Variants in HIVEP3 observed in about 807,000 individuals in gnomAD.
HIVEP3 encodes the protein HIVEP zinc finger 3.
In HIVEP3, 49 loss-of-function variants were observed where a neutral mutation model predicts 152.8. That is an observed-to-expected ratio of 0.32 (90% CI 0.26 to 0.41). The LOEUF (loss-of-function observed/expected upper bound fraction) is 0.41. Among genes scored for constraint, HIVEP3 ranks in the 10% least tolerant of loss-of-function variants. The pLI, the probability that HIVEP3 is intolerant of heterozygous loss-of-function variation, is 1.00. For synonymous variants in HIVEP3, 1,269 were observed against 1,289.0 expected (o/e 0.98, Z 0.33); for missense variants, 2,790 against 3,103.3 (o/e 0.90, Z 2.40).
chr1:41,577,405 A>T (rs1407799061), intron 4 of HIVEP3, among the ~76,000 whole-genome samples: 1 of 152,198 alleles, frequency 6.6e-6, no homozygotes, highest in Non-Finnish European at 1.5e-5. Flanking sequence ...CATAGCCAGT[A>T]GGTAAGGTAG....
chr1:41,823,517 CAT>C (rs1489027776), intron 1 of HIVEP3, among the ~76,000 whole-genome samples: 1 of 152,202 alleles, frequency 6.6e-6, no homozygotes, highest in Non-Finnish European at 1.5e-5. Context: ...GCTTTTTGGC[CAT>C]CTCCTTGTAA....
intron 1 of HIVEP3, among the ~76,000 whole-genome samples, chr1:41,835,769 C>T (rs907781477): frequency 6.6e-6 from 1 of 152,158 alleles, no homozygotes; most frequent in Non-Finnish European, 1.5e-5. Flanking sequence ...AGGGAAAGTG[C>T]ATTTTAACAA....
At chr1:41,922,348 A>G (rs929609420), upstream of HIVEP3, among the ~76,000 whole-genome samples, 1 of 152,260 alleles carries the variant, frequency 6.6e-6, no homozygotes, top group African/African-American at 2.4e-5. Context: ...CTAAGGGAAC[A>G]TTATTACAAT....
At chr1:41,740,676 A>G (rs1175615394) in intron 1 of HIVEP3, among the ~76,000 whole-genome samples, 4 of 152,226 alleles carry the variant, frequency 2.6e-5, no homozygotes, top group Non-Finnish European at 5.9e-5. Context: ...TCCTTCACTC[A>G]TCCTGACAAC....
At chr1:41,803,267 G>A (rs961443989) in intron 1 of HIVEP3, among the ~76,000 whole-genome samples, 2 of 152,226 alleles carry the variant, frequency 1.3e-5, no homozygotes, top group African/African-American at 4.8e-5. Context: ...TGCGGAGTAT[G>A]TGTTGTTATT....
intron 1 of HIVEP3, among the ~76,000 whole-genome samples, chr1:41,868,656 G>A (rs977067669): frequency 1.3e-5 from 2 of 152,098 alleles, no homozygotes; most frequent in Non-Finnish European, 2.9e-5. Flanking sequence ...TGGCTCTCCC[G>A]CACTCACCAC....
intron 1 of HIVEP3, among the ~76,000 whole-genome samples, chr1:41,878,590 G>C (rs1644208295): frequency 6.6e-6 from 1 of 152,118 alleles, no homozygotes; most frequent in African/African-American, 2.4e-5. Context: ...TCACATCACG[G>C]GATCTAAATT....
At chr1:42,034,750 A>G (rs6696291) in intron 1 of HIVEP3, among the ~76,000 whole-genome samples, 110,087 of 152,066 alleles carry the variant, frequency 0.72, 40,184 homozygotes, top group East Asian at 0.96. Flanking sequence ...AAACTTATTT[A>G]AACCTCAGTG....
intron 1 of HIVEP3, among the ~76,000 whole-genome samples, chr1:41,998,887 C>CTTTT (rs1184823372): frequency 0.013 from 1,002 of 77,104 alleles, 107 homozygotes; most frequent in East Asian, 0.028. Context: ...TTTTCTCTCT[C>CTTTT]TCTTTTTTTT....
rs764960848 is a variant in HIVEP3 at position 41,899,753 on chromosome 1, A to C, written c.-801+18660T>G. Among the ~76,000 whole-genome samples the C allele has an allele frequency of 1.6e-4, 24 of 152,336 alleles. 1 individual carries two copies. The highest frequency in any genetic ancestry group is 3.1e-4 in the Non-Finnish European group (21 of 68,032). ...CTCATGAAAGTGTCACCTTCATTGA[A>C]TCATTTAACTCTCCTAGTAGCTCTA... On this transcript the variant is annotated intron_variant, in intron 1 of 8. Transcript: ENST00000372583.
intron 3 of HIVEP3, among the ~76,000 whole-genome samples, chr1:41,616,569 C>T (rs1218112239): frequency 3.9e-5 from 5 of 127,736 alleles, no homozygotes; most frequent in African/African-American, 1.5e-4. Context: ...ATAGCAATTA[C>T]TTTTTTTTTT....
chr1:41,706,754 G>T (rs1396747295), intron 1 of HIVEP3, among the ~76,000 whole-genome samples: 1 of 152,136 alleles, frequency 6.6e-6, no homozygotes, highest in African/African-American at 2.4e-5. Flanking sequence ...TAGTCACCAG[G>T]GTCTTTGTTT....
At chr1:41,975,056 G>A (rs1044659617) in intron 1 of HIVEP3, among the ~76,000 whole-genome samples, 14 of 152,092 alleles carry the variant, frequency 9.2e-5, no homozygotes, top group African/African-American at 3.4e-4. Flanking sequence ...GCAGCCATGG[G>A]TCCAATGCCT....
intron 1 of HIVEP3, among the ~76,000 whole-genome samples, chr1:41,947,717 A>G (rs564434058): frequency 4.9e-4 from 75 of 152,240 alleles, no homozygotes; most frequent in Non-Finnish European, 9.1e-4. Context: ...GAGTCCTTAC[A>G]CAGGTCCGAG....
chr1:41,576,484 T>A (rs1644329464), intron 4 of HIVEP3, among the ~76,000 whole-genome samples: 1 of 152,084 alleles, frequency 6.6e-6, no homozygotes, highest in Non-Finnish European at 1.5e-5. Flanking sequence ...TTGTCAGGGG[T>A]GGGTGCACTT....
intron 1 of HIVEP3, among the ~76,000 whole-genome samples, chr1:41,775,607 C>T (rs765528176): frequency 6.6e-6 from 1 of 152,194 alleles, no homozygotes; most frequent in Non-Finnish European, 1.5e-5. Flanking sequence ...TCTCCTGCCT[C>T]AGCCTCCCAA....
chr1:41,609,763 C>T (rs1039798763), intron 3 of HIVEP3, among the ~76,000 whole-genome samples: 1 of 152,258 alleles, frequency 6.6e-6, no homozygotes, highest in Non-Finnish European at 1.5e-5. Context: ...CTGAAATGCC[C>T]TTTCCCTCCT....
At chr1:41,974,926 G>T (rs1343899159) in intron 1 of HIVEP3, among the ~76,000 whole-genome samples, 2 of 152,120 alleles carry the variant, frequency 1.3e-5, no homozygotes, top group Non-Finnish European at 2.9e-5. Flanking sequence ...TCAGGACTGA[G>T]GTGAAGGGCT....
chr1:41,547,790 G>A (rs949482529), intron 5 of HIVEP3, among the ~76,000 whole-genome samples: 2 of 152,186 alleles, frequency 1.3e-5, no homozygotes, highest in African/African-American at 4.8e-5. Flanking sequence ...TGAGATGAGT[G>A]ATGTGGCCTC....
Sources: allele counts gnomAD v4.1 joint callset (sites outside exome capture counted in the v4.1 genomes callset), GRCh38; gene constraint gnomAD v4.1.1; transcripts MANE v1.5; gene names NCBI Gene and HGNC (gene_info 2026-07-23, HGNC 2026-07-21).